Variants in TBC1D22B observed in about 807,000 individuals in gnomAD.
TBC1D22B encodes chromosome 6 open reading frame 197.
TBC1D22B carries 32 observed loss-of-function variants against 69.1 expected under a neutral mutation model. The observed-to-expected ratio is 0.46, with a 90% CI of 0.35 to 0.62. TBC1D22B has a LOEUF of 0.62. Ranked by LOEUF, TBC1D22B falls within the 20% of genes least tolerant of loss-of-function variation. TBC1D22B has a pLI of 0.00. For missense variants in TBC1D22B, 462 were observed against 630.9 expected (o/e 0.73, Z 2.87); for synonymous variants, 206 against 229.8 (o/e 0.90, Z 0.94).
chr6:37,258,020 C>T (rs1213859890), intron 1 of TBC1D22B, 47 bp downstream of exon 1: 1 of 1,595,492 alleles, frequency 6.3e-7, no homozygotes, highest in Non-Finnish European at 8.6e-7. Flanking sequence ...CCAAACCCTT[C>T]CAGATCCTAA....
At chr6:37,283,036 T>G in intron 5 of TBC1D22B, 84 bp downstream of exon 5, 1 of 1,186,866 alleles carries the variant, frequency 8.4e-7, no homozygotes, top group Non-Finnish European at 1.2e-6. Flanking sequence ...ACATTGGTCT[T>G]AACTCCATAG....
chr6:37,307,556 A>G (rs770255666), intron 8 of TBC1D22B, among the ~76,000 whole-genome samples: 2 of 152,070 alleles, frequency 1.3e-5, no homozygotes, highest in Non-Finnish European at 2.9e-5. Flanking sequence ...GGGTTTCACC[A>G]TATTGGCCAG....
At chr6:37,307,479 C>T (rs745533580) in intron 8 of TBC1D22B, among the ~76,000 whole-genome samples, 23 of 151,974 alleles carry the variant, frequency 1.5e-4, no homozygotes, top group Admixed American at 2.0e-4. Context: ...CCTCAGCCTC[C>T]TGAGTAGCTG....
chr6:37,270,172 C>T (rs1766439066), intron 2 of TBC1D22B, among the ~76,000 whole-genome samples: 2 of 152,172 alleles, frequency 1.3e-5, no homozygotes, highest in South Asian at 4.1e-4. Context: ...CTATTTAGGG[C>T]TGGGCATGGT....
In TBC1D22B at chr6:37,287,039, C is replaced by T. The variant is rs1767028226; in HGVS notation, c.834C>T (p.Leu278=). 6.2e-7 allele frequency: 1 copy of T among 1,604,676 alleles called. No individual in the cohort carries two copies. Among genetic ancestry groups the T allele is most frequent in the Non-Finnish European group, 8.5e-7 (1 of 1,176,814 alleles). Residue 278 remains leucine (L), a synonymous_variant, in exon 7 of 13, where the codon CTC becomes CTT. Coordinates refer to ENST00000373491, the MANE Select transcript of TBC1D22B (RefSeq NM_017772.4). ...TTGACATTCCAAGGACGAATCCTCTCATTCCGTTGTTCCAGCAACCACTTG... is the reference window on the plus strand; with the variant it reads ...TTGACATTCCAAGGACGAATCCTCTTATTCCGTTGTTCCAGCAACCACTTG... ...IHIDIPRTNP[L]IPLFQQPLVQ...
Position 37,261,160 on chromosome 6 carries a change from A to T in TBC1D22B, c.56+3187A>T, listed in dbSNP as rs772113568. ...AATCTCTACCATTGCAGGCTTTGGC[A>T]GGTGTGGTGGCCTGTAATCCCAGAA... On this transcript the variant is annotated intron_variant, in intron 1 of 12. Coordinates refer to ENST00000373491, the MANE Select transcript of TBC1D22B (RefSeq NM_017772.4). Among the ~76,000 whole-genome samples, 3 of 152,132 alleles carry T rather than the reference A, an allele frequency of 2.0e-5. No individual in the cohort carries two copies. In the East Asian group the frequency reaches 5.8e-4, roughly 29 times the overall value.
At chr6:37,272,087 T>G (rs1333769601) in intron 2 of TBC1D22B, among the ~76,000 whole-genome samples, 1 of 152,114 alleles carries the variant, frequency 6.6e-6, no homozygotes, top group Non-Finnish European at 1.5e-5. Context: ...TTTTTTCTTT[T>G]GAGATAGGGT....
chr6:37,316,699 TC>T lies in TBC1D22B; in HGVS notation c.1166-3del. 1 of 1,614,154 alleles carries T rather than the reference TC, an allele frequency of 6.2e-7. No individual in the cohort carries two copies. Among genetic ancestry groups the T allele is most frequent in the African/African-American group, 1.3e-5 (1 of 75,036 alleles). ...TTGATCCCCAATGATGCTTCCTGTT[TC>T]AGAGCAGGTACATAATCACTTCAGG... On this transcript the variant is annotated splice_polypyrimidine_tract_variant and splice_region_variant and intron_variant, in intron 10 of 12. Coordinates refer to ENST00000373491, the MANE Select transcript of TBC1D22B (RefSeq NM_017772.4).
intron 6 of TBC1D22B, 148 bp downstream of exon 6, chr6:37,284,612 T>A: frequency 1.1e-6 from 1 of 936,564 alleles, no homozygotes; most frequent in East Asian, 3.1e-5. Context: ...CTGTTTCCCC[T>A]CTTTTCATTC....
chr6:37,294,782 A>T (rs1271403262), intron 8 of TBC1D22B, among the ~76,000 whole-genome samples: 1 of 152,234 alleles, frequency 6.6e-6, no homozygotes, highest in South Asian at 2.1e-4. Context: ...ATCACTGTCC[A>T]TTGACAATGA....
intron 1 of TBC1D22B, among the ~76,000 whole-genome samples, chr6:37,265,017 C>T (rs1766227329): frequency 6.6e-6 from 1 of 152,168 alleles, no homozygotes; most frequent in Non-Finnish European, 1.5e-5. Context: ...GTGATCATCT[C>T]GGTTTCTCTT....
intron 1 of TBC1D22B, among the ~76,000 whole-genome samples, chr6:37,260,623 A>T (rs1289559972): frequency 6.6e-6 from 1 of 152,168 alleles, no homozygotes; most frequent in Non-Finnish European, 1.5e-5. Context: ...AAGAAACTAC[A>T]TACCTGTTTA....
chr6:37,323,496 T>C (rs544279945), intron 12 of TBC1D22B, among the ~76,000 whole-genome samples: 3 of 151,988 alleles, frequency 2.0e-5, no homozygotes, highest in Admixed American at 2.0e-4. Context: ...GACAACAGAG[T>C]GAGTCTCAAA....
chr6:37,270,436 G>A (rs1279307399), intron 2 of TBC1D22B, among the ~76,000 whole-genome samples: 2 of 152,128 alleles, frequency 1.3e-5, no homozygotes, highest in African/African-American at 4.8e-5. Flanking sequence ...GGGCAACAAA[G>A]CGAGATGCCG....
chr6:37,276,262 G>C (rs1766669069), intron 2 of TBC1D22B, among the ~76,000 whole-genome samples: 1 of 152,036 alleles, frequency 6.6e-6, no homozygotes, highest in Non-Finnish European at 1.5e-5. Context: ...ACCATGCCCA[G>C]CCTTCTCTTT....
At chr6:37,318,273 T>G (rs1768139735) in intron 12 of TBC1D22B, among the ~76,000 whole-genome samples, 1 of 152,174 alleles carries the variant, frequency 6.6e-6, no homozygotes, top group South Asian at 2.1e-4. Context: ...CAAGATTTCC[T>G]GATGAATTGG....
intron 2 of TBC1D22B, among the ~76,000 whole-genome samples, chr6:37,275,121 A>C (rs1370525206): frequency 6.6e-6 from 1 of 152,188 alleles, no homozygotes; most frequent in East Asian, 1.9e-4. Flanking sequence ...CATTGAGTTA[A>C]GTGTAAACTA....
chr6:37,269,105 C>T (rs1766399700), intron 1 of TBC1D22B, among the ~76,000 whole-genome samples: 2 of 152,100 alleles, frequency 1.3e-5, no homozygotes, highest in Non-Finnish European at 2.9e-5. Context: ...TTCATTCTTC[C>T]TAGATATGGC....
In TBC1D22B at chr6:37,283,844, G is replaced by A. The variant is rs188678182; in HGVS notation, c.673-492G>A. Among the ~76,000 whole-genome samples, 21 of 152,364 alleles carry A rather than the reference G, an allele frequency of 1.4e-4. No homozygotes were observed. The East Asian group carries it at 3.9e-3, about 28-fold the overall frequency. ...AGCTGTATGTCACAGATTCCATTCAGCTGCTTCCTAAGCTGGTAATTCTGA... is the reference window on the plus strand; with the variant it reads ...AGCTGTATGTCACAGATTCCATTCAACTGCTTCCTAAGCTGGTAATTCTGA... On this transcript the variant is annotated intron_variant, in intron 5 of 12. Transcript: ENST00000373491.
Sources: allele counts gnomAD v4.1 joint callset (sites outside exome capture counted in the v4.1 genomes callset), GRCh38; gene constraint gnomAD v4.1.1; transcripts MANE v1.5; gene names NCBI Gene and HGNC (gene_info 2026-07-23, HGNC 2026-07-21).